The following UNC5D variants were observed in gnomAD, a reference collection of about 807,000 sequenced individuals.
UNC5D encodes the protein netrin receptor UNC5D.
In UNC5D, 39 loss-of-function variants were observed where a neutral mutation model predicts 105.4. The ratio of observed to expected loss-of-function variants is 0.37; its 90% CI spans 0.29 to 0.48. The LOEUF (loss-of-function observed/expected upper bound fraction) is 0.48, where lower values mean the gene tolerates loss of function less well. Among genes scored for constraint, UNC5D ranks in the 20% least tolerant of loss-of-function variants. The pLI, the probability that UNC5D is intolerant of heterozygous loss-of-function variation, is 0.98. For missense variants in UNC5D, 991 were observed against 1,202.4 expected, an observed-to-expected ratio of 0.82 and a Z score of 2.60; for synonymous variants, 452 against 450.4, an observed-to-expected ratio of 1.00 and a Z score of -0.04.
chr8:35,378,275 A>C (rs1237504646), intron 1 of UNC5D, among the ~76,000 whole-genome samples: 1 of 152,044 alleles, frequency 6.6e-6, no homozygotes, highest in Non-Finnish European at 1.5e-5. Context: ...TAAAACAGAA[A>C]ATTTTCTCTT....
At chr8:35,682,761 A>G (rs1825751793) in intron 4 of UNC5D, among the ~76,000 whole-genome samples, 1 of 152,204 alleles carries the variant, frequency 6.6e-6, no homozygotes, top group South Asian at 2.1e-4. Context: ...GTTTGGACCA[A>G]GGATAGGACC....
chr8:35,693,310 C>T (rs1002221451), intron 7 of UNC5D, among the ~76,000 whole-genome samples: 5 of 152,050 alleles, frequency 3.3e-5, no homozygotes, highest in African/African-American at 7.2e-5. Context: ...ATAAAATGCA[C>T]GCAACAAATT....
intron 3 of UNC5D, among the ~76,000 whole-genome samples, chr8:35,581,483 T>A (rs1277673863): frequency 6.6e-6 from 1 of 152,144 alleles, no homozygotes. Context: ...GTGGAGGAAG[T>A]GGGGATAGTT....
At chr8:35,772,537 A>G (rs1253111934) in intron 15 of UNC5D, among the ~76,000 whole-genome samples, 4 of 152,132 alleles carry the variant, frequency 2.6e-5, no homozygotes, top group Non-Finnish European at 5.9e-5. Flanking sequence ...GATTTCAGGG[A>G]GGGAAGGAAG....
At chr8:35,323,226 A>G (rs1809889138) in intron 1 of UNC5D, among the ~76,000 whole-genome samples, 1 of 149,520 alleles carries the variant, frequency 6.7e-6, no homozygotes, top group Non-Finnish European at 1.5e-5. Context: ...TGGAACTCGA[A>G]AAAGGCCTTT....
Position 35,621,559 on chromosome 8 carries a change from G to T in UNC5D, c.570+25902G>T, listed in dbSNP as rs561592701. Among the ~76,000 whole-genome samples the T allele has an allele frequency of 2.0e-5, 3 of 152,304 alleles. No homozygotes were observed. In the East Asian group the frequency reaches 5.8e-4, roughly 29 times the overall value. On this transcript the variant is annotated intron_variant, in intron 4 of 16. Coordinates refer to ENST00000404895, the MANE Select transcript of UNC5D (RefSeq NM_080872.4). ...AGAGATAAATAAAGAGGAAGTCAATGAGGGAAGTATGGTGAAGGCTTAAGT... is the reference window on the plus strand; with the variant it reads ...AGAGATAAATAAAGAGGAAGTCAATTAGGGAAGTATGGTGAAGGCTTAAGT...
chr8:35,396,439 A>G (rs1225773540), intron 1 of UNC5D, among the ~76,000 whole-genome samples: 1 of 151,958 alleles, frequency 6.6e-6, no homozygotes, highest in East Asian at 1.9e-4. Context: ...ACACATGCAG[A>G]TGATCCCAGC....
At chr8:35,400,427 T>C (rs892110152) in intron 1 of UNC5D, among the ~76,000 whole-genome samples, 2 of 152,124 alleles carry the variant, frequency 1.3e-5, no homozygotes, top group East Asian at 3.9e-4. Context: ...AGCTCCTCAT[T>C]ATCCCGGATT....
At chr8:35,749,985 G>GGTGT (rs750908368) in intron 12 of UNC5D, among the ~76,000 whole-genome samples, 12,716 of 35,312 alleles carry the variant, frequency 0.36, 1,861 homozygotes, top group African/African-American at 0.57. Context: ...GTCAGAAATA[G>GGTGT]TTGTAAAAAA....
At chr8:35,644,289 T>C (rs748168454) in intron 4 of UNC5D, among the ~76,000 whole-genome samples, 8 of 152,100 alleles carry the variant, frequency 5.3e-5, no homozygotes, top group African/African-American at 1.7e-4. Context: ...AGGAATCCCA[T>C]AGGACAATTG....
intron 1 of UNC5D, among the ~76,000 whole-genome samples, chr8:35,500,808 G>C (rs1366732104): frequency 6.6e-6 from 1 of 152,144 alleles, no homozygotes; most frequent in African/African-American, 2.4e-5. Context: ...CAAAAGATCA[G>C]GCTGAATTCA....
chr8:35,503,122 C>A (rs1032025193), intron 1 of UNC5D, among the ~76,000 whole-genome samples: 2 of 152,136 alleles, frequency 1.3e-5, no homozygotes, highest in Admixed American at 1.3e-4. Context: ...TGCCTAAATT[C>A]TCTCAGCTAA....
chr8:35,297,755 C>T (rs954189228), intron 1 of UNC5D, among the ~76,000 whole-genome samples: 13 of 150,818 alleles, frequency 8.6e-5, no homozygotes, highest in Admixed American at 2.0e-4. Flanking sequence ...TGTTCCCTAA[C>T]ACTCAGATGT....
intron 1 of UNC5D, among the ~76,000 whole-genome samples, chr8:35,501,291 CAA>C (rs1295443867): frequency 6.6e-6 from 1 of 152,224 alleles, no homozygotes; most frequent in Non-Finnish European, 1.5e-5. Flanking sequence ...AGGTTGAAAG[CAA>C]AGAGTCCCCA....
chr8:35,660,256 T>A (rs984621315), intron 4 of UNC5D, among the ~76,000 whole-genome samples: 3 of 152,346 alleles, frequency 2.0e-5, no homozygotes. Flanking sequence ...GAAAAGGTTT[T>A]ATCTATTACG....
intron 4 of UNC5D, among the ~76,000 whole-genome samples, chr8:35,644,494 G>T (rs757988643): frequency 6.6e-6 from 1 of 152,114 alleles, no homozygotes; most frequent in Non-Finnish European, 1.5e-5. Flanking sequence ...AAAGTTCATC[G>T]TAGTCCCAGA....
At chr8:35,616,855 G>T (rs1821057802) in intron 4 of UNC5D, among the ~76,000 whole-genome samples, 1 of 152,164 alleles carries the variant, frequency 6.6e-6, no homozygotes, top group Admixed American at 6.6e-5. Flanking sequence ...CATTTTTAAA[G>T]AAACCTCATA....
chr8:35,266,715 GA>G (rs1487975385), intron 1 of UNC5D, among the ~76,000 whole-genome samples: 16 of 152,198 alleles, frequency 1.1e-4, no homozygotes, highest in African/African-American at 3.9e-4. Flanking sequence ...GAAGTGACCA[GA>G]ATGGTTGGGG....
At chr8:35,533,105 TGGA>T (rs1296572711) in intron 1 of UNC5D, among the ~76,000 whole-genome samples, 1 of 151,690 alleles carries the variant, frequency 6.6e-6, no homozygotes, top group Non-Finnish European at 1.5e-5. Context: ...TGCGTTCCTT[TGGA>T]GGAGGAGAGG....
Sources: gnomAD v4.1 joint callset for allele counts (sites outside exome capture counted in the v4.1 genomes callset) on GRCh38, gnomAD v4.1.1 for gene constraint, MANE v1.5 for transcripts, NCBI Gene and HGNC (gene_info 2026-07-23, HGNC 2026-07-21) for gene names.